Variants in ALPK2 observed in about 807,000 individuals in gnomAD.
ALPK2 encodes the protein alpha kinase 2.
In ALPK2, 127 loss-of-function variants were observed where a neutral mutation model predicts 163.1. The observed-to-expected ratio is 0.78, with a 90% confidence interval of 0.67 to 0.90. The LOEUF (loss-of-function observed/expected upper bound fraction) is 0.90, where lower values mean the gene tolerates loss of function less well. Ranked by LOEUF, ALPK2 falls within the 40% of genes least tolerant of loss-of-function variation. The pLI is 0.00. For missense variants in ALPK2, 2,360 were observed against 2,589.6 expected (o/e 0.91, Z 1.92); for synonymous variants, 953 against 959.1 (o/e 0.99, Z 0.12).
intron 4 of ALPK2, among the ~76,000 whole-genome samples, chr18:58,541,943 G>A (rs539273533): frequency 1.3e-5 from 2 of 152,304 alleles, no homozygotes; most frequent in South Asian, 2.1e-4. Flanking sequence ...AGATTTCTTA[G>A]TTAAGTCATT....
In ALPK2 at chr18:58,580,087, C is replaced by T. The variant is rs930492629; in HGVS notation, c.689G>A (p.Cys230Tyr). ...SSHIYEKQDR[C>Y]CHKTVHSMAS... ...CATGGAATGCACTGTCTTGTGGCAA[C>T]ATCTGTCTTGTTTTTCATAAATATG... The change falls in exon 4 of 13, where the codon TGT becomes TAT. Residue 230 changes from cysteine (C) to tyrosine (Y), a missense_variant. Physicochemically the swap from Cys to Tyr is radical, Grantham distance 194. Transcript: ENST00000361673. 4.3e-6 allele frequency: 7 copies of T among 1,614,272 alleles called. No homozygotes were observed. The highest frequency in any genetic ancestry group is 1.7e-5 in the Admixed American group (1 of 60,030).
At chr18:58,619,492 A>C (rs181117682) in intron 1 of ALPK2, among the ~76,000 whole-genome samples, 201 of 152,348 alleles carry the variant, frequency 1.3e-3, no homozygotes, top group African/African-American at 4.5e-3. Context: ...ACACTTTAGC[A>C]GTTTCTTAAT....
intron 4 of ALPK2, among the ~76,000 whole-genome samples, chr18:58,540,922 A>T (rs1162594769): frequency 2.0e-5 from 3 of 152,236 alleles, no homozygotes; most frequent in Non-Finnish European, 4.4e-5. Context: ...TCAGCAAAGT[A>T]ATAAGCGGGT....
intron 6 of ALPK2, among the ~76,000 whole-genome samples, chr18:58,527,362 TGGAGAAAGCAAATGG>T (rs2051589794): frequency 6.6e-6 from 1 of 152,196 alleles, no homozygotes; most frequent in African/African-American, 2.4e-5. Context: ...AGTGTTAGCA[TGGAGAAAGCAAATGG>T]GTTCAACTAA....
intron 5 of ALPK2, among the ~76,000 whole-genome samples, chr18:58,533,221 G>A (rs183249749): frequency 8.5e-5 from 13 of 152,246 alleles, no homozygotes; most frequent in Admixed American, 4.6e-4. Flanking sequence ...AGTCTTTGAC[G>A]GCGATTGATT....
intron 3 of ALPK2, among the ~76,000 whole-genome samples, chr18:58,604,790 G>A (rs183891693): frequency 6.6e-6 from 1 of 152,246 alleles, no homozygotes; most frequent in Non-Finnish European, 1.5e-5. Context: ...CTGCCCTGCT[G>A]GATCTCAGAA....
At chr18:58,513,190 GT>G (rs1341646418) in intron 10 of ALPK2, among the ~76,000 whole-genome samples, 2 of 150,884 alleles carry the variant, frequency 1.3e-5, no homozygotes, top group African/African-American at 2.4e-5. Flanking sequence ...TGTTTGTGTT[GT>G]GGGTGTGTTT....
intron 6 of ALPK2, among the ~76,000 whole-genome samples, chr18:58,528,547 A>G (rs1365534659): frequency 6.6e-6 from 1 of 152,152 alleles, no homozygotes; most frequent in African/African-American, 2.4e-5. Flanking sequence ...AAAAATAAAA[A>G]TAAAAATCAT....
At chr18:58,500,254 A>C (rs7242848) in intron 11 of ALPK2, among the ~76,000 whole-genome samples, 73,160 of 148,432 alleles carry the variant, frequency 0.49, 18,478 homozygotes, top group South Asian at 0.56. Context: ...AAAAAAAAAA[A>C]CCCACCAAAT....
chr18:58,551,972 AC>A (rs1379462211), intron 4 of ALPK2, among the ~76,000 whole-genome samples: 1 of 152,126 alleles, frequency 6.6e-6, no homozygotes, highest in African/African-American at 2.4e-5. Context: ...TCAGATTTAG[AC>A]CCTGAACTAG....
intron 11 of ALPK2, among the ~76,000 whole-genome samples, chr18:58,501,472 G>A (rs2051431042): frequency 6.6e-6 from 1 of 152,218 alleles, no homozygotes; most frequent in South Asian, 2.1e-4. Context: ...CTGCAAGGCG[G>A]TAATGTTGCA....
At chr18:58,625,118 C>T (rs773021512) in intron 1 of ALPK2, among the ~76,000 whole-genome samples, 102 of 152,108 alleles carry the variant, frequency 6.7e-4, no homozygotes, top group Admixed American at 1.4e-3. Flanking sequence ...TCAGAAACCC[C>T]GCCAGGTTTT....
At chr18:58,482,636 A>C (rs774265887) in intron 12 of ALPK2, among the ~76,000 whole-genome samples, 264 of 152,224 alleles carry the variant, frequency 1.7e-3, no homozygotes, top group Non-Finnish European at 1.7e-3. Flanking sequence ...TCCCCAGGAG[A>C]AGAAGAATTT....
At chr18:58,567,220 T>C (rs1411343119) in intron 4 of ALPK2, among the ~76,000 whole-genome samples, 1 of 135,210 alleles carries the variant, frequency 7.4e-6, no homozygotes, top group Non-Finnish European at 1.6e-5. Flanking sequence ...ACCCTGTCTC[T>C]ACTTAAAAAA....
intron 4 of ALPK2, among the ~76,000 whole-genome samples, chr18:58,567,932 T>C (rs1306161128): frequency 6.6e-6 from 1 of 152,256 alleles, no homozygotes; most frequent in Non-Finnish European, 1.5e-5. Context: ...GAGACCCACT[T>C]CTGTCTTTGA....
Position 58,579,832 on chromosome 18 carries a change from G to T in ALPK2, c.944C>A (p.Thr315Asn). The change falls in exon 4 of 13, where the codon ACC becomes AAC. Residue 315 changes from threonine to asparagine, a missense_variant. Coordinates refer to ENST00000361673, the MANE Select transcript of ALPK2 (RefSeq NM_052947.4). ...DSDYELCPEI[T>N]LTYTEEFSDD... ...TGAAAACTCCTCGGTGTAGGTTAGG[G>T]TTATCTCTGGGCAAAGTTCATAGTC... The T allele has an allele frequency of 6.2e-7, 1 of 1,614,080 alleles. No individual in the cohort carries two copies. The highest frequency in any genetic ancestry group is 2.2e-5 in the East Asian group (1 of 44,886).
At chr18:58,610,069 A>G (rs1435353659) in intron 2 of ALPK2, among the ~76,000 whole-genome samples, 1 of 152,000 alleles carries the variant, frequency 6.6e-6, no homozygotes, top group Non-Finnish European at 1.5e-5. Context: ...GAAAAATGGG[A>G]TCAGAGACCA....
At chr18:58,491,555 A>G (rs1602183337) in intron 12 of ALPK2, among the ~76,000 whole-genome samples, 1 of 151,868 alleles carries the variant, frequency 6.6e-6, no homozygotes, top group African/African-American at 2.4e-5. Context: ...TGTGGCCCCC[A>G]CCCAGGAACT....
rs2051848915 is a variant in ALPK2, at chr18:58,565,757, TCC to T, written c.1962+13055_1962+13056del. On this transcript the variant is annotated intron_variant, in intron 4 of 12. Transcript: ENST00000361673. The stretch of plus-strand genomic sequence containing the variant: ...TTCCTTCCTTCCTTCCTTCCTTCCT[TCC>T]TTCCTTCCTTCCTTTCTTTCTTTCT... Among the ~76,000 whole-genome samples, 5 of 147,854 alleles carry T rather than the reference TCC, an allele frequency of 3.4e-5. No homozygotes were observed. The South Asian group carries it at 1.1e-3, about 34-fold the overall frequency.
Sources: gnomAD v4.1 joint callset for allele counts (sites outside exome capture counted in the v4.1 genomes callset) on GRCh38, gnomAD v4.1.1 for gene constraint, MANE v1.5 for transcripts, NCBI Gene and HGNC (gene_info 2026-07-23, HGNC 2026-07-21) for gene names.